MAP4: variants seen among roughly 807,000 people sequenced by gnomAD.
MAP4 encodes microtubule associated protein 4.
Under a neutral mutation model 170.2 loss-of-function variants are expected in MAP4, and 76 were observed. The observed-to-expected ratio is 0.45, with a 90% confidence interval of 0.37 to 0.54. The LOEUF (loss-of-function observed/expected upper bound fraction) is 0.54. MAP4 is among the 20% of genes least tolerant of loss of function. The pLI is 0.00. For missense variants in MAP4, 2,506 were observed against 2,748.0 expected, an observed-to-expected ratio of 0.91 and a Z score of 1.97; for synonymous variants, 909 against 994.5, an observed-to-expected ratio of 0.91 and a Z score of 1.62.
chr3:47,951,002 T>C (rs1446929778), intron 3 of MAP4, among the ~76,000 whole-genome samples: 1 of 152,210 alleles, frequency 6.6e-6, no homozygotes, highest in African/African-American at 2.4e-5. Flanking sequence ...ACTCAACAAA[T>C]ATATAAGACT....
chr3:47,857,260 G>A (rs2058091307), intron 18 of MAP4, among the ~76,000 whole-genome samples, 171 bp downstream of exon 18: 1 of 152,228 alleles, frequency 6.6e-6, no homozygotes, highest in Non-Finnish European at 1.5e-5. Flanking sequence ...TTAGAGGTTA[G>A]CACCCGAACT....
intron 5 of MAP4, among the ~76,000 whole-genome samples, chr3:47,919,694 T>C (rs2100041740): frequency 6.6e-6 from 1 of 152,204 alleles, no homozygotes; most frequent in Non-Finnish European, 1.5e-5. Flanking sequence ...TATATCCCAG[T>C]AGTGCCATTA....
chr3:47,998,866 A>G lies in MAP4; in HGVS notation c.-6T>C, dbSNP rs1199399219. 2.5e-6 allele frequency: 4 copies of G among 1,594,864 alleles called. No homozygotes were observed. Among genetic ancestry groups the G allele is most frequent in the Admixed American group, 3.3e-5 (2 of 60,002 alleles). On this transcript the variant is annotated 5_prime_UTR_variant, in exon 2 of 21. Transcript: ENST00000683076. Reference sequence around the variant, plus strand: ...GCAAGACTGAGGTCAGCCATTCTGCACCACTGCAACTGCCTGGTGAAGAGG... The same window carrying G: ...GCAAGACTGAGGTCAGCCATTCTGCGCCACTGCAACTGCCTGGTGAAGAGG...
intron 1 of MAP4, among the ~76,000 whole-genome samples, chr3:48,030,515 T>C (rs1405602225): frequency 6.7e-6 from 1 of 150,278 alleles, no homozygotes; most frequent in Admixed American, 6.6e-5. Flanking sequence ...TAGGGGTAAG[T>C]TGGCCGGACG....
At chr3:47,969,208 G>C (rs1578493009) in intron 3 of MAP4, among the ~76,000 whole-genome samples, 1 of 152,136 alleles carries the variant, frequency 6.6e-6, no homozygotes, top group African/African-American at 2.4e-5. Flanking sequence ...AGGAGCTCAA[G>C]AACAGCCTGG....
intron 1 of MAP4, among the ~76,000 whole-genome samples, chr3:48,068,260 G>A (rs1395407541): frequency 2.7e-5 from 2 of 72,768 alleles, no homozygotes; most frequent in East Asian, 8.5e-4. Context: ...GCAAGATTCT[G>A]TCTCAAAAAA....
At chr3:47,964,098 A>G (rs970127926) in intron 3 of MAP4, among the ~76,000 whole-genome samples, 1 of 152,234 alleles carries the variant, frequency 6.6e-6, no homozygotes, top group East Asian at 1.9e-4. Flanking sequence ...GAAAGATGAC[A>G]ACGACATCAT....
intron 3 of MAP4, among the ~76,000 whole-genome samples, chr3:47,934,351 G>A (rs992006506): frequency 2.0e-5 from 3 of 152,160 alleles, no homozygotes; most frequent in Non-Finnish European, 4.4e-5. Context: ...CTCCCAGGCT[G>A]GAATCCAGTG....
At chr3:47,960,815 C>A in intron 3 of MAP4, 2 of 184,648 alleles carry the variant, frequency 1.1e-5, no homozygotes, top group Non-Finnish European at 1.2e-5. Flanking sequence ...CCAGGTAAGG[C>A]TAGTTCTTTC....
chr3:47,911,804 A>C lies in MAP4; in HGVS notation c.2617T>G (p.Ser873Ala), dbSNP rs1046179098. ...EAPKTAISSQ[S>A]KLRVEEESKS... ...CTCTCTTCCTCTACTCTCAGCTTAGACTGAGAACTTATTGCAGTTTTGGGG... is the reference window on the plus strand; with the variant it reads ...CTCTCTTCCTCTACTCTCAGCTTAGCCTGAGAACTTATTGCAGTTTTGGGG... Residue 873 changes from serine (S) to alanine (A), a missense_variant, in exon 9 of 21, where the codon TCT (serine) becomes GCT (alanine). Physicochemically the swap from Ser to Ala is moderately conservative, Grantham distance 99 (BLOSUM62 1). Around this residue, in one of 3 missense-constraint regions of MAP4, gnomAD observed 2,008 missense variants for 2,206.0 expected, o/e 0.91. Transcript: ENST00000683076. This position sits in a 1 kb window ranked among gnomAD's most constrained non-coding sequence, Gnocchi z 4.0. The C allele has an allele frequency of 2.8e-5, 43 of 1,536,092 alleles. No homozygotes were observed. The highest frequency in any genetic ancestry group is 3.7e-5 in the Non-Finnish European group (42 of 1,146,896).
At chr3:47,975,508 G>A (rs1376158714) in intron 3 of MAP4, 3 of 1,355,664 alleles carry the variant, frequency 2.2e-6, no homozygotes, top group South Asian at 1.2e-5. Context: ...GTAGGAAGGG[G>A]AAGAAAAGGG....
At chr3:48,053,261 G>A (rs191763904) in intron 1 of MAP4, among the ~76,000 whole-genome samples, 3 of 152,294 alleles carry the variant, frequency 2.0e-5, no homozygotes, top group Admixed American at 1.3e-4. Flanking sequence ...ACATCTGCAA[G>A]TATACCACAT....
rs2153613637 is a variant in MAP4 at position 47,916,450 on chromosome 3, G to A, written c.1377C>T (p.Ile459=). ...DMTLPPETNV[I]LTKDKALPLE... ...AAGGTAGTGCTTTATCCTTGGTCAA[G>A]ATCACGTTGGTTTCCGGGGGCAGTG... is the stretch of plus-strand genomic sequence containing the variant. The change falls in exon 7 of 21, where the codon ATC becomes ATT. Residue 459 remains isoleucine, a synonymous_variant. Transcript: ENST00000683076. The A allele has an allele frequency of 6.2e-7, 1 of 1,614,146 alleles. No individual in the cohort carries two copies.
intron 2 of MAP4, among the ~76,000 whole-genome samples, chr3:47,979,433 C>T (rs747864283): frequency 2.6e-5 from 4 of 152,072 alleles, no homozygotes; most frequent in Non-Finnish European, 4.4e-5. Flanking sequence ...TTGCCAATAC[C>T]ATCCTGTCTT....
upstream of MAP4, among the ~76,000 whole-genome samples, chr3:48,016,856 A>C (rs1210365759): frequency 6.6e-6 from 1 of 151,642 alleles, no homozygotes; most frequent in Admixed American, 6.6e-5. Flanking sequence ...AGCTCACTAC[A>C]ACCTCCGCCT....
At position 47,891,848 on chromosome 3, in the gene MAP4, G is replaced by A. The variant is rs319683; in HGVS notation, c.5434+11102C>T. On this transcript the variant is annotated intron_variant, in intron 10 of 20. Coordinates refer to ENST00000683076, the MANE Select transcript of MAP4 (RefSeq NM_001385682.1). ...GTTATCATTTACCACCCCAATCACT[G>A]GGCAGCCAGGGGTGATGCTATTCTC... is the stretch of plus-strand genomic sequence containing the variant. 2.5e-3 allele frequency: 3,803 copies of A among 1,536,156 alleles called. 81 individuals are homozygous for A. The African/African-American group carries it at 0.047, about 19-fold the overall frequency.
chr3:47,921,984 G>A (rs1320407225), intron 4 of MAP4, 106 bp from the exon 5 acceptor site: 6 of 627,390 alleles, frequency 9.6e-6, no homozygotes, highest in Admixed American at 5.1e-5. Context: ...GTCTTGCTCT[G>A]TTGCCAAGGC....
chr3:48,010,366 C>A (rs1311798048), intron 1 of MAP4, among the ~76,000 whole-genome samples: 1 of 152,182 alleles, frequency 6.6e-6, no homozygotes, highest in Non-Finnish European at 1.5e-5. Flanking sequence ...TGTATGTATA[C>A]ACATGTACTA....
intron 1 of MAP4, among the ~76,000 whole-genome samples, chr3:48,029,769 G>A (rs1559820654): frequency 6.6e-6 from 1 of 152,086 alleles, no homozygotes; most frequent in African/African-American, 2.4e-5. Flanking sequence ...GGAGGCCGAG[G>A]TGGGAGGATC....
Sources: allele counts gnomAD v4.1 joint callset (sites outside exome capture counted in the v4.1 genomes callset), GRCh38; gene constraint gnomAD v4.1.1; regional missense constraint gnomAD v4.1.1; non-coding constraint Gnocchi (gnomAD v3.1); transcripts MANE v1.5; gene names NCBI Gene and HGNC (gene_info 2026-07-23, HGNC 2026-07-21).